The following TEX11 variants were observed in gnomAD, a reference collection of about 807,000 sequenced individuals.
TEX11 encodes the protein testis-expressed protein 11.
In TEX11, 7 loss-of-function variants were observed where a neutral mutation model predicts 84.4. That is an observed-to-expected ratio of 0.08 (90% CI 0.05 to 0.16). The LOEUF is 0.16. Ranked by LOEUF, TEX11 falls within the 10% of genes least tolerant of loss-of-function variation. TEX11 has a pLI of 1.00. For synonymous variants in TEX11, 264 were observed against 222.8 expected (o/e 1.18, Z -1.64); for missense variants, 551 against 660.5 (o/e 0.83, Z 1.82).
intron 7 of TEX11, among the ~76,000 whole-genome samples, chrX:70,843,965 G>A (rs1341159170): frequency 9.0e-6 from 1 of 111,047 alleles, no homozygotes; most frequent in South Asian, 3.8e-4. Flanking sequence ...GAAACAACAG[G>A]TGCTGGAGAG....
intron 25 of TEX11, among the ~76,000 whole-genome samples, chrX:70,572,477 T>C (rs995795847): frequency 9.0e-6 from 1 of 111,238 alleles, no homozygotes; most frequent in Non-Finnish European, 1.9e-5. Context: ...GAAATACCAT[T>C]TGACCCAGCC....
intron 13 of TEX11, 89 bp downstream of exon 13, chrX:70,722,529 C>A (rs1287360737): frequency 9.7e-6 from 7 of 720,598 alleles, no homozygotes; most frequent in Non-Finnish European, 1.3e-5. Flanking sequence ...CCCGCCTCAG[C>A]CTCTCCAAGT....
rs1276870256 is a variant in TEX11 at position 70,861,155 on chromosome X, G to A, written c.245-219C>T. Among the ~76,000 whole-genome samples the A allele has an allele frequency of 7.3e-5, 7 of 96,116 alleles. 1 individual carries two copies. Among genetic ancestry groups the A allele is most frequent in the African/African-American group, 2.7e-4 (7 of 25,623 alleles). 83.5% of individuals were successfully genotyped at this position (96,116 alleles called of 115,157 possible). The stretch of plus-strand genomic sequence containing the variant: ...CGGCTCACTGCAAGCTCCGCCTCCC[G>A]GGTTCACGCCATTCTCCTGCCTCAG... On this transcript the variant is annotated intron_variant, in intron 4 of 29. Transcript: ENST00000374333.
At chrX:70,547,004 C>T (rs1341541950) in intron 28 of TEX11, among the ~76,000 whole-genome samples, 2 of 85,903 alleles carry the variant, frequency 2.3e-5, no homozygotes, top group African/African-American at 8.5e-5. Flanking sequence ...TGTGTTATAT[C>T]CATTCCCTAG....
At chrX:70,729,242 A>C (rs1045561155) in intron 11 of TEX11, among the ~76,000 whole-genome samples, 1 of 111,757 alleles carries the variant, frequency 8.9e-6, no homozygotes, top group African/African-American at 3.3e-5. Context: ...GGAAATTCTA[A>C]AAATCAGAGC....
At chrX:70,730,300 C>A (rs1475371566) in intron 11 of TEX11, among the ~76,000 whole-genome samples, 1 of 111,846 alleles carries the variant, frequency 8.9e-6, no homozygotes, top group Non-Finnish European at 1.9e-5. Flanking sequence ...TCACGCATAA[C>A]AACATTAACC....
At chrX:70,840,941 A>G (rs2091439441) in intron 7 of TEX11, among the ~76,000 whole-genome samples, 2 of 110,998 alleles carry the variant, frequency 1.8e-5, no homozygotes, top group South Asian at 7.7e-4. Context: ...TATCCTAAAT[A>G]TATATGCACC....
rs1374357482 is a variant in TEX11, at chrX:70,544,859, C to A, written c.2520+7267G>T. On this transcript the variant is annotated intron_variant, in intron 28 of 29. Transcript: ENST00000374333. ...CTCAAAAAAAAAAAAAAAAAAAAAA[C>A]CCAAAAAAACAAACAAAAAAACCCA... 1.8e-4 allele frequency among the ~76,000 whole-genome samples: 15 copies of A among 84,393 alleles called. No individual in the cohort carries two copies. The East Asian group carries it at 2.9e-3, about 16-fold the overall frequency. 73.3% of individuals were successfully genotyped at this position (84,393 alleles called of 115,157 possible).
At chrX:70,873,038 A>G (rs1234590274) in intron 4 of TEX11, among the ~76,000 whole-genome samples, 185 bp downstream of exon 4, 3 of 110,317 alleles carry the variant, frequency 2.7e-5, no homozygotes, top group East Asian at 2.8e-4. Context: ...CTAACCTCTG[A>G]AAAAAAAATC....
At chrX:70,534,159 A>G (rs1353138390) in intron 28 of TEX11, among the ~76,000 whole-genome samples, 1 of 109,645 alleles carries the variant, frequency 9.1e-6, no homozygotes, top group Non-Finnish European at 1.9e-5. Context: ...AGGAAGGAAG[A>G]AAGCAAGAGT....
At chrX:70,549,683 G>T (rs924690761) in intron 28 of TEX11, among the ~76,000 whole-genome samples, 1 of 112,074 alleles carries the variant, frequency 8.9e-6, no homozygotes, top group African/African-American at 3.2e-5. Context: ...ACTCTTCTGC[G>T]TGTGGAAAGA....
At chrX:70,530,773 T>C (rs947844053) in intron 28 of TEX11, among the ~76,000 whole-genome samples, 2 of 111,691 alleles carry the variant, frequency 1.8e-5, no homozygotes, top group African/African-American at 6.5e-5. Context: ...GAAATTACTA[T>C]ACATAAAACA....
intron 28 of TEX11, among the ~76,000 whole-genome samples, chrX:70,549,059 T>C (rs1389678430): frequency 9.0e-6 from 1 of 111,462 alleles, no homozygotes; most frequent in Non-Finnish European, 1.9e-5. Context: ...GTCTTGCATC[T>C]TGGATACCAG....
intron 9 of TEX11, among the ~76,000 whole-genome samples, chrX:70,773,096 C>G (rs2090981260): frequency 9.0e-6 from 1 of 111,045 alleles, no homozygotes; most frequent in African/African-American, 3.3e-5. Context: ...AAGGGTCAGA[C>G]AGCTTAGTTA....
At chrX:70,542,676 T>A (rs962227242) in intron 28 of TEX11, among the ~76,000 whole-genome samples, 3 of 111,933 alleles carry the variant, frequency 2.7e-5, no homozygotes, top group African/African-American at 9.7e-5. Flanking sequence ...AGGTTTTATA[T>A]TTGTATGATA....
chrX:70,672,808 A>G (rs747884294), intron 15 of TEX11: 1 of 110,620 alleles, frequency 9.0e-6, no homozygotes. Flanking sequence ...ATTCAACAGG[A>G]TCTCTTTTTT....
chrX:70,853,323 A>G lies in TEX11; in HGVS notation c.330T>C (p.Asn110=). The change falls in exon 6 of 30, where the codon AAT becomes AAC. Residue 110 remains asparagine, a synonymous_variant. Transcript: ENST00000374333. ...CCAACCATTCTTTTCCTATTCTCAT[A>G]TTCATCTAGAAGAGAGAAATTAGAA... ...EQSIQRLIMM[N]MRIGKEWLDA... 8.4e-7 allele frequency: 1 copy of G among 1,183,808 alleles called. No individual in the cohort carries two copies.
chrX:70,708,568 T>C (rs112546452), intron 13 of TEX11, among the ~76,000 whole-genome samples: 8,730 of 111,193 alleles, frequency 0.079, 421 homozygotes, highest in Admixed American at 0.25. Context: ...CAATGGTGGA[T>C]TGGATAAAGA....
intron 20 of TEX11, among the ~76,000 whole-genome samples, chrX:70,623,620 C>T (rs2089419283): frequency 8.9e-6 from 1 of 112,022 alleles, no homozygotes; most frequent in African/African-American, 3.2e-5. Context: ...CATGTATTAA[C>T]TTATACTCTC....
Sources: gnomAD v4.1 joint callset for allele counts (sites outside exome capture counted in the v4.1 genomes callset) on GRCh38, gnomAD v4.1.1 for gene constraint, MANE v1.5 for transcripts, NCBI Gene and HGNC (gene_info 2026-07-23, HGNC 2026-07-21) for gene names.